The following NOX3 variants were observed in gnomAD, a reference collection of about 807,000 sequenced individuals.
The protein encoded by NOX3 is NADPH oxidase catalytic subunit-like 3.
NOX3 carries 74 observed loss-of-function variants against 76.7 expected under a neutral mutation model. The observed-to-expected ratio is 0.96, with a 90% CI of 0.80 to 1.17. The LOEUF is 1.17. NOX3 is among the 50% of genes most tolerant of loss of function. NOX3 has a pLI of 0.00. For synonymous variants in NOX3, 263 were observed against 261.1 expected, an observed-to-expected ratio of 1.01 and a Z score of -0.07; for missense variants, 695 against 703.3, an observed-to-expected ratio of 0.99 and a Z score of 0.13.
chr6:155,431,143 T>C (rs965901839), intron 7 of NOX3, among the ~76,000 whole-genome samples: 2 of 152,174 alleles, frequency 1.3e-5, no homozygotes, highest in African/African-American at 4.8e-5. Context: ...ATTTAAGAGA[T>C]TAAACTCTTC....
intron 9 of NOX3, among the ~76,000 whole-genome samples, chr6:155,423,942 C>T (rs1776724955): frequency 6.6e-6 from 1 of 152,026 alleles, no homozygotes; most frequent in South Asian, 2.1e-4. Flanking sequence ...GAGGTTTGAC[C>T]ATTTTGGCCA....
intron 10 of NOX3, among the ~76,000 whole-genome samples, chr6:155,413,381 CT>C (rs1776578606): frequency 6.6e-6 from 1 of 151,654 alleles, no homozygotes; most frequent in Non-Finnish European, 1.5e-5. Flanking sequence ...CGTTGTAGGG[CT>C]TTGGGGCCGT....
intron 12 of NOX3, among the ~76,000 whole-genome samples, chr6:155,405,960 C>G (rs1366896722): frequency 1.3e-5 from 2 of 152,196 alleles, no homozygotes; most frequent in Non-Finnish European, 2.9e-5. Flanking sequence ...TTTGTTACCT[C>G]TCCTACAGCA....
chr6:155,440,685 A>AC (rs1441086676), intron 5 of NOX3, among the ~76,000 whole-genome samples: 2 of 108,104 alleles, frequency 1.9e-5, no homozygotes, highest in Admixed American at 8.5e-5. Flanking sequence ...AGAAAAAACA[A>AC]AAAAAAAAAA....
In NOX3 at chr6:155,411,304, GA is replaced by G. The variant is rs767615550; in HGVS notation, c.1364del (p.Leu455ProfsTer9). 7.4e-6 allele frequency: 12 copies of G among 1,614,046 alleles called. No homozygotes were observed. The highest frequency in any genetic ancestry group is 1.7e-5 in the Admixed American group (1 of 60,020). Reference protein sequence around the residue: ...DARAFEWFADLLLSLETRMSE... With the variant: ...DARAFEWFADXLLSLETRMSE... ...TCATCCGTGTTTCCAGGGAGAGTAA[GA>G]GATCAGCAAACCACTCAAAAGCTCT... On this transcript the variant is annotated frameshift_variant, in exon 11 of 14. Coordinates refer to ENST00000159060, the MANE Select transcript of NOX3 (RefSeq NM_015718.3). LOFTEE classifies it high-confidence loss of function.
intron 10 of NOX3, among the ~76,000 whole-genome samples, chr6:155,416,904 C>T (rs1359190755): frequency 1.3e-5 from 2 of 151,992 alleles, no homozygotes; most frequent in African/African-American, 4.8e-5. Context: ...GCACCTGACA[C>T]CACGCCCGGC....
intron 10 of NOX3, among the ~76,000 whole-genome samples, chr6:155,416,078 G>A (rs889450189): frequency 1.3e-5 from 2 of 152,210 alleles, no homozygotes; most frequent in African/African-American, 4.8e-5. Context: ...GGCTCGGTGT[G>A]TGCTAAACTC....
chr6:155,437,971 A>G (rs775131181), intron 6 of NOX3, among the ~76,000 whole-genome samples: 3 of 152,236 alleles, frequency 2.0e-5, no homozygotes, highest in African/African-American at 4.8e-5. Flanking sequence ...CTTTTCAACT[A>G]GGTTAAAATG....
chr6:155,451,158 T>C (rs1022748663), intron 4 of NOX3, among the ~76,000 whole-genome samples: 1 of 152,104 alleles, frequency 6.6e-6, no homozygotes. Context: ...TTTGCATTTT[T>C]AGTAGAGACA....
Position 155,439,941 on chromosome 6 carries a change from G to C in NOX3, c.668+15C>G, listed in dbSNP as rs146860451. 2 of 1,603,422 alleles carry C rather than the reference G, an allele frequency of 1.2e-6. No individual in the cohort carries two copies. Among genetic ancestry groups the C allele is most frequent in the Non-Finnish European group, 8.5e-7 (1 of 1,175,460 alleles). ...AGAGATAAAATCCTTGCAGAGGAGCGCAGTATGGACTTACCCCGTCCCATG... is the reference window on the plus strand; with the variant it reads ...AGAGATAAAATCCTTGCAGAGGAGCCCAGTATGGACTTACCCCGTCCCATG... On this transcript the variant is annotated intron_variant, in intron 6 of 13. Transcript: ENST00000159060.
At position 155,408,040 on chromosome 6, in the gene NOX3, G is replaced by A. The variant is rs142783493; in HGVS notation, c.1456-786C>T. On this transcript the variant is annotated intron_variant, in intron 11 of 13. Transcript: ENST00000159060. ...GTCACCCAGGCTGGAGTGCAGTGGC[G>A]TGATCTCGGTTCACTGCAATCTCCA... is the stretch of plus-strand genomic sequence containing the variant. Among the ~76,000 whole-genome samples the A allele has an allele frequency of 3.8e-3, 583 of 152,234 alleles. 2 individuals are homozygous for A. Among genetic ancestry groups the A allele is most frequent in the African/African-American group, 0.013 (549 of 41,528 alleles).
intron 9 of NOX3, among the ~76,000 whole-genome samples, chr6:155,423,736 TCTTTTTC>T (rs1177144683): frequency 1.3e-5 from 2 of 151,248 alleles, no homozygotes. Context: ...CTTTTCTTTT[TCTTTTTC>T]TTTTTTTTTT....
At chr6:155,400,617 G>A (rs1779209886) in intron 12 of NOX3, among the ~76,000 whole-genome samples, 1 of 148,032 alleles carries the variant, frequency 6.8e-6, no homozygotes, top group African/African-American at 2.5e-5. Context: ...TTTCAGAACC[G>A]CAGATGATAA....
chr6:155,437,894 C>T (rs576816223), intron 6 of NOX3, among the ~76,000 whole-genome samples: 1 of 152,328 alleles, frequency 6.6e-6, no homozygotes, highest in South Asian at 2.1e-4. Flanking sequence ...ATTGCTTTCG[C>T]TGTAAACAGT....
chr6:155,419,068 G>T (rs570162961), intron 10 of NOX3, among the ~76,000 whole-genome samples: 18 of 152,318 alleles, frequency 1.2e-4, no homozygotes, highest in African/African-American at 4.3e-4. Context: ...GTACTGCTTT[G>T]CTCTGTGGCA....
chr6:155,431,994 T>C (rs377515944), intron 7 of NOX3, among the ~76,000 whole-genome samples: 3 of 152,210 alleles, frequency 2.0e-5, no homozygotes, highest in East Asian at 1.9e-4. Flanking sequence ...TAGAAACTCA[T>C]GAACTCATTG....
chr6:155,429,396 T>TTA (rs1776803028), intron 8 of NOX3, among the ~76,000 whole-genome samples: 2 of 152,242 alleles, frequency 1.3e-5, no homozygotes. Flanking sequence ...CTTAGGGTTA[T>TTA]TAAAATAAGT....
chr6:155,435,079 A>C (rs1354232668), intron 7 of NOX3, among the ~76,000 whole-genome samples: 1 of 152,142 alleles, frequency 6.6e-6, no homozygotes, highest in African/African-American at 2.4e-5. Flanking sequence ...AGTTCAGCCA[A>C]GCGGTAATTG....
intron 4 of NOX3, among the ~76,000 whole-genome samples, chr6:155,450,663 G>A (rs1188392026): frequency 6.6e-6 from 1 of 152,162 alleles, no homozygotes; most frequent in Non-Finnish European, 1.5e-5. Context: ...CCTGGGCATG[G>A]CCATATCTCA....
Sources: gnomAD v4.1 joint callset for allele counts (sites outside exome capture counted in the v4.1 genomes callset) on GRCh38, gnomAD v4.1.1 for gene constraint, MANE v1.5 for transcripts, NCBI Gene and HGNC (gene_info 2026-07-23, HGNC 2026-07-21) for gene names.